FGF14: variants seen among roughly 807,000 people sequenced by gnomAD.
FGF14 encodes the protein fibroblast growth factor 14.
Under a neutral mutation model 25.5 loss-of-function variants are expected in FGF14, and 5 were observed. The ratio of observed to expected loss-of-function variants is 0.20; its 90% CI spans 0.10 to 0.41. The LOEUF is 0.41. FGF14 is among the 10% of genes least tolerant of loss of function. The pLI is 1.00. For synonymous variants in FGF14, 138 were observed against 118.3 expected (o/e 1.17, Z -1.08); for missense variants, 222 against 320.1 (o/e 0.69, Z 2.34).
chr13:101,745,412 T>A (rs2036824665), intron 3 of FGF14, among the ~76,000 whole-genome samples: 1 of 152,098 alleles, frequency 6.6e-6, no homozygotes, highest in Non-Finnish European at 1.5e-5. Flanking sequence ...CTGTACATTC[T>A]ATGGGTTTTG....
chr13:101,873,935 CAA>C (rs890152884), intron 2 of FGF14, among the ~76,000 whole-genome samples: 1 of 151,066 alleles, frequency 6.6e-6, no homozygotes, highest in Non-Finnish European at 1.5e-5. Context: ...ATATGAGACA[CAA>C]AGAGAGTAAA....
chr13:101,749,095 G>T (rs187214345), intron 3 of FGF14, among the ~76,000 whole-genome samples: 1 of 152,184 alleles, frequency 6.6e-6, no homozygotes, highest in East Asian at 1.9e-4. Context: ...CTTATATGAG[G>T]TAACTAAAGT....
In FGF14 at chr13:101,715,708, T is replaced by C. The variant is rs1203355768; in HGVS notation, c.*7123A>G. ...ATTTTTTCTGGGCCATTAGAACAGA[T>C]AAATGCGAAGGAAACCATGTATATT... On this transcript the variant is annotated 3_prime_UTR_variant, in exon 5 of 5. Transcript: ENST00000376143. 5.5e-5 allele frequency: 61 copies of C among 1,116,080 alleles called. 1 individual carries two copies. In the Admixed American group the frequency reaches 1.0e-3, roughly 19 times the overall value. 69.1% of individuals were successfully genotyped at this position (1,116,080 alleles called of 1,614,324 possible).
At chr13:102,129,959 T>C (rs1447431261) in intron 1 of FGF14, among the ~76,000 whole-genome samples, 1 of 152,208 alleles carries the variant, frequency 6.6e-6, no homozygotes, top group Non-Finnish European at 1.5e-5. Context: ...TAGTTTCCTG[T>C]TGCTCCTGTA....
chr13:101,999,964 G>A (rs2039392869), intron 1 of FGF14, among the ~76,000 whole-genome samples: 1 of 151,916 alleles, frequency 6.6e-6, no homozygotes, highest in East Asian at 1.9e-4. Flanking sequence ...TTAACAATAG[G>A]GACTTTTCTA....
chr13:101,919,723 C>T (rs1275122388), upstream of FGF14, among the ~76,000 whole-genome samples: 1 of 152,112 alleles, frequency 6.6e-6, no homozygotes, highest in Non-Finnish European at 1.5e-5. Flanking sequence ...ACACTTTCCT[C>T]CCCTAAAAGC....
At chr13:102,161,644 A>AG (rs1566765067) in intron 1 of FGF14, among the ~76,000 whole-genome samples, 6 of 17,022 alleles carry the variant, frequency 3.5e-4, no homozygotes, top group Admixed American at 1.8e-3. Flanking sequence ...GAAGAAGAAG[A>AG]AGAAGAAGAA....
chr13:101,734,401 G>A (rs2036032032), intron 3 of FGF14, among the ~76,000 whole-genome samples: 1 of 152,090 alleles, frequency 6.6e-6, no homozygotes. Flanking sequence ...GATATTTTAA[G>A]ATTATAAATA....
intron 3 of FGF14, among the ~76,000 whole-genome samples, chr13:101,769,354 T>TA (rs60380900): frequency 0.48 from 71,602 of 149,778 alleles, 17,573 homozygotes; most frequent in East Asian, 0.83. Flanking sequence ...CTGGTGGGAA[T>TA]AAAAAAAAAA....
In FGF14 at chr13:101,779,816, C is replaced by CT. The variant is rs574369987; in HGVS notation, c.409-53007dup. Among the ~76,000 whole-genome samples the CT allele has an allele frequency of 1.1e-4, 17 of 152,282 alleles. No individual in the cohort carries two copies. In the East Asian group the frequency reaches 3.1e-3, roughly 28 times the overall value. The stretch of plus-strand genomic sequence containing the variant: ...ACTATTATATTTACAAAAGGAACAA[C>CT]TAGCACCCTACTTTCTAGCAAACAA... On this transcript the variant is annotated intron_variant, in intron 3 of 4. Transcript: ENST00000376143.
At chr13:101,996,036 G>A (rs879913404) in intron 1 of FGF14, among the ~76,000 whole-genome samples, 10 of 152,136 alleles carry the variant, frequency 6.6e-5, no homozygotes, top group Non-Finnish European at 1.5e-4. Context: ...AAGGATAAAT[G>A]CTTGAGGGGA....
chr13:102,316,187 A>G (rs1011796056), intron 1 of FGF14, among the ~76,000 whole-genome samples: 2 of 152,210 alleles, frequency 1.3e-5, no homozygotes, highest in Non-Finnish European at 2.9e-5. Context: ...GAAAAATTTA[A>G]CTTTCTCAAA....
chr13:102,261,379 A>C (rs1170409621), intron 1 of FGF14, among the ~76,000 whole-genome samples: 1 of 152,238 alleles, frequency 6.6e-6, no homozygotes, highest in Non-Finnish European at 1.5e-5. Flanking sequence ...TTTTAAAGAA[A>C]TGGGAAAAAA....
At chr13:102,326,853 A>G (rs1047405794) in intron 1 of FGF14, among the ~76,000 whole-genome samples, 2 of 152,188 alleles carry the variant, frequency 1.3e-5, no homozygotes, top group African/African-American at 4.8e-5. Context: ...TGACTAAAAA[A>G]GAGGGATCAT....
chr13:102,271,025 A>T (rs1245353599), intron 1 of FGF14, among the ~76,000 whole-genome samples: 1 of 152,212 alleles, frequency 6.6e-6, no homozygotes, highest in Non-Finnish European at 1.5e-5. Flanking sequence ...ACATGGTTTT[A>T]AAAGGACACA....
chr13:102,007,097 A>G (rs1339820021), intron 1 of FGF14, among the ~76,000 whole-genome samples: 1 of 152,224 alleles, frequency 6.6e-6, no homozygotes, highest in African/African-American at 2.4e-5. Flanking sequence ...AAAGAAATCA[A>G]TTTTCTAGAA....
chr13:102,081,365 G>GT (rs2140195989), intron 1 of FGF14, among the ~76,000 whole-genome samples: 1 of 152,290 alleles, frequency 6.6e-6, no homozygotes, highest in Non-Finnish European at 1.5e-5. Context: ...TGATTACAGG[G>GT]TGTAGGCATC....
At chr13:101,748,607 C>T (rs947755014) in intron 3 of FGF14, among the ~76,000 whole-genome samples, 1 of 151,678 alleles carries the variant, frequency 6.6e-6, no homozygotes, top group South Asian at 2.1e-4. Flanking sequence ...AAAAACAGTA[C>T]TAGTAGCCCC....
intron 1 of FGF14, among the ~76,000 whole-genome samples, chr13:101,973,816 G>A (rs145146608): frequency 6.6e-6 from 1 of 152,058 alleles, no homozygotes; most frequent in Non-Finnish European, 1.5e-5. Context: ...ACACACCCAG[G>A]ATCAATACTT....
Sources: allele counts gnomAD v4.1 joint callset (sites outside exome capture counted in the v4.1 genomes callset), GRCh38; gene constraint gnomAD v4.1.1; transcripts MANE v1.5; gene names NCBI Gene and HGNC (gene_info 2026-07-23, HGNC 2026-07-21).